The following BDH2 variants were observed in gnomAD, a reference collection of about 807,000 sequenced individuals.
The protein encoded by BDH2 is 3-hydroxybutyrate dehydrogenase 2, also known as dehydrogenase/reductase SDR family member 6.
A neutral mutation model predicts 33.2 loss-of-function variants in BDH2; 24 were observed. The observed-to-expected ratio is 0.72, with a 90% CI of 0.52 to 1.02. The LOEUF (loss-of-function observed/expected upper bound fraction) is 1.02. Among genes scored for constraint, BDH2 ranks in the 50% least tolerant of loss-of-function variants. The pLI, the probability that BDH2 is intolerant of heterozygous loss-of-function variation, is 0.00. For missense variants in BDH2, 249 were observed against 301.6 expected (o/e 0.83, Z 1.29); for synonymous variants, 81 against 101.6 (o/e 0.80, Z 1.22).
chr4:103,081,076 C>T (rs530331902), intron 9 of BDH2, among the ~76,000 whole-genome samples: 6 of 152,310 alleles, frequency 3.9e-5, no homozygotes, highest in South Asian at 2.1e-4. Context: ...TTCCTTCCCT[C>T]TTCTCACACA....
At chr4:103,092,081 T>C (rs1560573812) in intron 4 of BDH2, among the ~76,000 whole-genome samples, 1 of 152,198 alleles carries the variant, frequency 6.6e-6, no homozygotes, top group Non-Finnish European at 1.5e-5. Flanking sequence ...CCAAATTATG[T>C]AATTCATTAT....
At chr4:103,085,770 G>A in intron 6 of BDH2, 1 of 1,334,558 alleles carries the variant, frequency 7.5e-7, no homozygotes. Context: ...AGAAAATGAA[G>A]ATTAATAACA....
intron 4 of BDH2, 44 bp from the exon 5 acceptor site, chr4:103,091,329 T>G (rs1748077603): frequency 1.5e-6 from 2 of 1,338,898 alleles, no homozygotes; most frequent in African/African-American, 2.9e-5. Flanking sequence ...GCCATTAAAA[T>G]TTTTCTATTC....
chr4:103,081,551 C>A (rs962237291), intron 9 of BDH2, among the ~76,000 whole-genome samples: 1 of 152,214 alleles, frequency 6.6e-6, no homozygotes, highest in South Asian at 2.1e-4. Context: ...CTGCCTCGAC[C>A]TCCCAAAGTG....
At chr4:103,098,555 G>A (rs1030765294) in intron 1 of BDH2, 2 of 152,286 alleles carry the variant, frequency 1.3e-5, no homozygotes, top group Non-Finnish European at 1.5e-5. Flanking sequence ...GCCAGTGCCT[G>A]AGCATGCATG....
At chr4:103,084,106 C>T (rs1158549478) in intron 7 of BDH2, among the ~76,000 whole-genome samples, 1 of 152,182 alleles carries the variant, frequency 6.6e-6, no homozygotes, top group South Asian at 2.1e-4. Context: ...TCCTCACTTT[C>T]CTCAATAGCC....
chr4:103,086,119 T>A lies in BDH2; in HGVS notation c.418+361A>T, dbSNP rs1174031605. ...GAGAAGATGATGTTTGCTGCCTTGC[T>A]CCTAGTTTTGGACTGTGAATTCTTT... is the stretch of plus-strand genomic sequence containing the variant. On this transcript the variant is annotated intron_variant, in intron 6 of 9. Coordinates refer to ENST00000296424, the MANE Select transcript of BDH2 (RefSeq NM_020139.4). 4 of 1,099,364 alleles carry A rather than the reference T, an allele frequency of 3.6e-6. No homozygotes were observed. In the African/African-American group the frequency reaches 6.7e-5, roughly 18 times the overall value. The allele number at this position is 1,099,364 out of a possible 1,614,324, so 68.1% of individuals were successfully genotyped here. A position where few individuals can be genotyped will look rare whatever the true frequency, so the allele number is the denominator to read the frequency against.
chr4:103,083,343 G>T (rs1747613334), intron 7 of BDH2, among the ~76,000 whole-genome samples: 1 of 152,158 alleles, frequency 6.6e-6, no homozygotes, highest in Admixed American at 6.5e-5. Context: ...TTGCCTCAAT[G>T]ATCTCAAAAC....
At chr4:103,091,958 C>T (rs563401519) in intron 4 of BDH2, among the ~76,000 whole-genome samples, 7 of 152,234 alleles carry the variant, frequency 4.6e-5, no homozygotes, top group South Asian at 4.1e-4. Flanking sequence ...GTAAGAGAGA[C>T]GTTAAGGCAG....
At chr4:103,095,107 T>C (rs1487042540) in intron 3 of BDH2, 96 bp downstream of exon 3, 2 of 912,094 alleles carry the variant, frequency 2.2e-6, no homozygotes, top group Non-Finnish European at 3.5e-6. Flanking sequence ...GCAGTGGAGC[T>C]CAGTAGCTAG....
chr4:103,093,245 G>A (rs1398041768), intron 3 of BDH2, among the ~76,000 whole-genome samples: 1 of 152,122 alleles, frequency 6.6e-6, no homozygotes, highest in Non-Finnish European at 1.5e-5. Flanking sequence ...AAGAGCAAGT[G>A]TTCTGGAATA....
chr4:103,080,285 T>C (rs761187055), intron 9 of BDH2, among the ~76,000 whole-genome samples: 8 of 152,200 alleles, frequency 5.3e-5, no homozygotes, highest in Non-Finnish European at 1.2e-4. Flanking sequence ...TGAATGATAA[T>C]AACTATAATC....
chr4:103,088,563 C>T (rs115084090), intron 5 of BDH2, among the ~76,000 whole-genome samples: 19 of 152,338 alleles, frequency 1.2e-4, no homozygotes, highest in African/African-American at 4.6e-4. Flanking sequence ...GTGTCAGGCT[C>T]TCCCTGGCTC....
intron 7 of BDH2, among the ~76,000 whole-genome samples, chr4:103,084,582 A>AATAGCTAG (rs1341952538): frequency 6.6e-6 from 1 of 152,212 alleles, no homozygotes; most frequent in Non-Finnish European, 1.5e-5. Context: ...TGGCACCAAG[A>AATAGCTAG]ATAGCTAGAC....
chr4:103,086,334 G>T, intron 6 of BDH2, 146 bp downstream of exon 6: 3 of 1,350,178 alleles, frequency 2.2e-6, no homozygotes, highest in Non-Finnish European at 2.9e-6. Context: ...TGTGGTTAAG[G>T]AACTTAATAC....
intron 8 of BDH2, 32 bp from the exon 9 acceptor site, chr4:103,082,205 A>C: frequency 6.3e-7 from 1 of 1,582,498 alleles, no homozygotes; most frequent in Non-Finnish European, 8.7e-7. Context: ...GACATTAGTG[A>C]TGGAAGCAGC....
At chr4:103,086,224 T>C (rs1747772853) in intron 6 of BDH2, 3 of 1,243,988 alleles carry the variant, frequency 2.4e-6, no homozygotes, top group Non-Finnish European at 3.0e-6. Flanking sequence ...CCCAGTTTGA[T>C]GTTCATTTCC....
rs1319049118 is a variant in BDH2 at position 103,096,260 on chromosome 4, A to G, written c.-6T>C. 6.2e-7 allele frequency: 1 copy of G among 1,613,088 alleles called. No homozygotes were observed. The highest frequency in any genetic ancestry group is 1.7e-4 in the Middle Eastern group (1 of 6,058). ...TTCCCATCAAGTCGACCCATAATGG[A>G]ACCTGTGGTTTAATCTAAAGACATG... On this transcript the variant is annotated 5_prime_UTR_variant, in exon 2 of 10. Transcript: ENST00000296424.
rs1578514497 is a variant in BDH2, at chr4:103,099,761, CAA to C, written c.-21+20_-21+21del. The C allele has an allele frequency of 6.6e-6, 1 of 152,158 alleles. No homozygotes were observed. The highest frequency in any genetic ancestry group is 2.4e-5 in the African/African-American group (1 of 41,430). The allele number at this position is 152,158 out of a possible 1,614,324, so 9.4% of individuals were successfully genotyped here. On this transcript the variant is annotated intron_variant, in intron 1 of 9. Transcript: ENST00000296424. ...CTCTTTCCGTTCTAAAGTTTCATTT[CAA>C]AAGTATTAGGAAATCTTACTTTAAG...
Sources: allele counts gnomAD v4.1 joint callset (sites outside exome capture counted in the v4.1 genomes callset), GRCh38; gene constraint gnomAD v4.1.1; transcripts MANE v1.5; gene names NCBI Gene and HGNC (gene_info 2026-07-23, HGNC 2026-07-21).